DPYSL5: variants seen among roughly 807,000 people sequenced by gnomAD.
DPYSL5 encodes dihydropyrimidinase-related protein 5.
Under a neutral mutation model 58.4 loss-of-function variants are expected in DPYSL5, and 9 were observed. The observed-to-expected ratio is 0.15, with a 90% CI of 0.09 to 0.27. DPYSL5 has a LOEUF of 0.27. DPYSL5 is among the 10% of genes least tolerant of loss of function. The pLI is 1.00. For synonymous variants in DPYSL5, 293 were observed against 301.9 expected (o/e 0.97, Z 0.31); for missense variants, 499 against 770.6 (o/e 0.65, Z 4.17).
intron 1 of DPYSL5, among the ~76,000 whole-genome samples, chr2:26,889,988 G>A (rs543530896): frequency 1.3e-5 from 2 of 152,312 alleles, no homozygotes; most frequent in South Asian, 2.1e-4. Flanking sequence ...ACAGCGAGGC[G>A]GGATTGGACG....
Position 26,942,507 on chromosome 2 carries a change from T to G in DPYSL5, c.1233-36T>G. ...GGAGCTGTGACATTTTGACCTGTCC[T>G]CAGCGCTTTCTCTCCCGCCATTGCC... On this transcript the variant is annotated intron_variant, in intron 10 of 12. Coordinates refer to ENST00000288699, the MANE Select transcript of DPYSL5 (RefSeq NM_020134.4). The surrounding 1 kb of genome is among the most constrained non-coding windows in gnomAD (Gnocchi z 5.9). 3.8e-6 allele frequency: 6 copies of G among 1,595,572 alleles called. No homozygotes were observed. The highest frequency in any genetic ancestry group is 5.1e-6 in the Non-Finnish European group (6 of 1,170,448).
chr2:26,944,853 A>T lies in DPYSL5; in HGVS notation c.1609+29A>T, dbSNP rs376173692. On this transcript the variant is annotated intron_variant, in intron 12 of 12. Coordinates refer to ENST00000288699, the MANE Select transcript of DPYSL5 (RefSeq NM_020134.4). The surrounding 1 kb of genome is among the most constrained non-coding windows in gnomAD (Gnocchi z 4.4). ...AGAGTCAGGGGGCCACGGGAGGAGGATGGGGGTCTGGGAGAAGTGGCCCAC... is the reference window on the plus strand; with the variant it reads ...AGAGTCAGGGGGCCACGGGAGGAGGTTGGGGGTCTGGGAGAAGTGGCCCAC... 69 of 1,609,352 alleles carry T rather than the reference A, an allele frequency of 4.3e-5. No homozygotes were observed. The African/African-American group carries it at 8.8e-4, about 21-fold the overall frequency.
At chr2:26,873,614 G>GT (rs1232233696) in intron 1 of DPYSL5, among the ~76,000 whole-genome samples, 2 of 152,190 alleles carry the variant, frequency 1.3e-5, no homozygotes, top group African/African-American at 4.8e-5. Flanking sequence ...TACAGTTGGG[G>GT]TATGCAAATG....
chr2:26,941,282 A>G (rs1665316424), intron 9 of DPYSL5, among the ~76,000 whole-genome samples: 1 of 152,162 alleles, frequency 6.6e-6, no homozygotes, highest in Non-Finnish European at 1.5e-5. Context: ...GCATCCTAGA[A>G]GTGGATTTTT....
intron 1 of DPYSL5, among the ~76,000 whole-genome samples, chr2:26,852,480 A>G (rs1665779733): frequency 6.6e-6 from 1 of 152,208 alleles, no homozygotes; most frequent in South Asian, 2.1e-4. Context: ...GATTTGTTCT[A>G]CTTCAGTCTT....
intron 1 of DPYSL5, among the ~76,000 whole-genome samples, chr2:26,856,083 A>G (rs1341678632): frequency 2.0e-5 from 3 of 152,198 alleles, no homozygotes; most frequent in Non-Finnish European, 4.4e-5. Context: ...TGCATTTTAA[A>G]AAAAACTAGT....
At position 26,933,102 on chromosome 2, in the gene DPYSL5, C is replaced by T. The variant is rs1351537523; in HGVS notation, c.715-156C>T. On this transcript the variant is annotated intron_variant, in intron 6 of 12. Transcript: ENST00000288699. This position sits in a 1 kb window ranked among gnomAD's most constrained non-coding sequence, Gnocchi z 4.2. Reference sequence around the variant, plus strand: ...CCTGCAACCTTGCCCTGACTGCCAGCCCTGCATTCTCCGCTTAAGGACTGT... The same window carrying T: ...CCTGCAACCTTGCCCTGACTGCCAGTCCTGCATTCTCCGCTTAAGGACTGT... 6.6e-6 allele frequency among the ~76,000 whole-genome samples: 1 copy of T among 152,144 alleles called. No homozygotes were observed. Among genetic ancestry groups the T allele is most frequent in the Non-Finnish European group, 1.5e-5 (1 of 68,020 alleles).
chr2:26,926,772 C>T (rs992656163), intron 3 of DPYSL5, among the ~76,000 whole-genome samples: 3 of 152,156 alleles, frequency 2.0e-5, no homozygotes, highest in Non-Finnish European at 1.5e-5. Flanking sequence ...CATGTTTTTC[C>T]TAGTACAAAT....
chr2:26,891,680 C>CT (rs775000670), intron 1 of DPYSL5, among the ~76,000 whole-genome samples: 75 of 147,688 alleles, frequency 5.1e-4, no homozygotes, highest in African/African-American at 1.3e-3. Context: ...AAATAAATAA[C>CT]TTTTTTTTTT....
At chr2:26,937,093 T>C (rs1286263188) in intron 8 of DPYSL5, among the ~76,000 whole-genome samples, 1 of 152,084 alleles carries the variant, frequency 6.6e-6, no homozygotes, top group East Asian at 1.9e-4. Context: ...CCCTGCTTGC[T>C]ACAAGCAAAT....
intron 1 of DPYSL5, among the ~76,000 whole-genome samples, chr2:26,878,207 T>A (rs1022228707): frequency 1.3e-5 from 2 of 152,258 alleles, no homozygotes; most frequent in Non-Finnish European, 2.9e-5. Context: ...GTGAAAAATG[T>A]AATCTCATTG....
chr2:26,866,763 A>G (rs1375539891), intron 1 of DPYSL5, among the ~76,000 whole-genome samples: 6 of 143,588 alleles, frequency 4.2e-5, no homozygotes, highest in Non-Finnish European at 7.5e-5. Context: ...ACAGAGTCTC[A>G]CTCTGTTGCC....
At chr2:26,864,874 G>A (rs893060961) in intron 1 of DPYSL5, among the ~76,000 whole-genome samples, 4 of 152,102 alleles carry the variant, frequency 2.6e-5, no homozygotes, top group Admixed American at 1.3e-4. Context: ...CTGACTCTTC[G>A]CCTTTGGGGT....
At position 26,893,833 on chromosome 2, in the gene DPYSL5, A is replaced by G. The variant is rs144474600; in HGVS notation, c.-4-4663A>G. Reference sequence around the variant, plus strand: ...CAGAAGAGGGGACAATTGGGCCCTGAAGAACGAGAAATTTACTGCGTATAA... The same window carrying G: ...CAGAAGAGGGGACAATTGGGCCCTGGAGAACGAGAAATTTACTGCGTATAA... On this transcript the variant is annotated intron_variant, in intron 1 of 12. Coordinates refer to ENST00000288699, the MANE Select transcript of DPYSL5 (RefSeq NM_020134.4). 1.3e-4 allele frequency among the ~76,000 whole-genome samples: 20 copies of G among 152,288 alleles called. No homozygotes were observed. In the East Asian group the frequency reaches 3.5e-3, roughly 26 times the overall value.
intron 5 of DPYSL5, among the ~76,000 whole-genome samples, chr2:26,930,846 C>T (rs1346007740): frequency 6.6e-6 from 1 of 151,718 alleles, no homozygotes; most frequent in African/African-American, 2.4e-5. Context: ...TGGTGGTGGG[C>T]GCCTGTAGTC....
At position 26,898,614 on chromosome 2, in the gene DPYSL5, G is replaced by A. The variant is rs749113348; in HGVS notation, c.115G>A (p.Gly39Ser). The change falls in exon 2 of 13, where the codon GGC becomes AGC. Residue 39 changes from glycine (G) to serine (S), a missense_variant. Physicochemically the swap from Gly to Ser is moderately conservative, Grantham distance 56 (BLOSUM62 0). Coordinates refer to ENST00000288699, the MANE Select transcript of DPYSL5 (RefSeq NM_020134.4). This position sits in a 1 kb window ranked among gnomAD's most constrained non-coding sequence, Gnocchi z 6.1. The part of the protein sequence containing the change: ...YIENGIIQQV[G>S]RELMIPGGAK... ...CGAGAATGGCATCATCCAGCAGGTG[G>A]GCCGCGAGCTCATGATCCCTGGCGG... is the stretch of plus-strand genomic sequence containing the variant. 1.2e-6 allele frequency: 2 copies of A among 1,614,178 alleles called. No individual in the cohort carries two copies. Among genetic ancestry groups the A allele is most frequent in the Non-Finnish European group, 1.7e-6 (2 of 1,180,030 alleles).
At chr2:26,850,150 G>T (rs1196358765) in intron 1 of DPYSL5, among the ~76,000 whole-genome samples, 1 of 152,214 alleles carries the variant, frequency 6.6e-6, no homozygotes, top group Non-Finnish European at 1.5e-5. Context: ...AAATGATCCC[G>T]CAAGGGTGAG....
At position 26,933,423 on chromosome 2, in the gene DPYSL5, G is replaced by A. The variant is rs1665088710; in HGVS notation, c.790+90G>A. On this transcript the variant is annotated intron_variant, in intron 7 of 12. Transcript: ENST00000288699. This position sits in a 1 kb window ranked among gnomAD's most constrained non-coding sequence, Gnocchi z 4.2. ...ATTAGCCGTGCTCACTCCTGGCCCC[G>A]GCTCCTGAAACCAGGACCTGAGCCA... The A allele has an allele frequency of 1.0e-5, 13 of 1,280,254 alleles. No individual in the cohort carries two copies. The highest frequency in any genetic ancestry group is 5.4e-5 in the Admixed American group (3 of 55,910). 79.3% of individuals were successfully genotyped at this position (1,280,254 alleles called of 1,614,324 possible).
At position 26,925,157 on chromosome 2, in the gene DPYSL5, C is replaced by G; in HGVS notation, c.420+112C>G. ...GTGGGGCACCCCTCCCACTACCATC[C>G]TAGCTCCCCACAATGCCAAAAGAAA... On this transcript the variant is annotated intron_variant, in intron 3 of 12. Coordinates refer to ENST00000288699, the MANE Select transcript of DPYSL5 (RefSeq NM_020134.4). The surrounding 1 kb of genome is among the most constrained non-coding windows in gnomAD (Gnocchi z 4.5). The G allele has an allele frequency of 7.4e-7, 1 of 1,348,742 alleles. No homozygotes were observed. The highest frequency in any genetic ancestry group is 1.0e-6 in the Non-Finnish European group (1 of 993,286). 83.5% of individuals were successfully genotyped at this position (1,348,742 alleles called of 1,614,324 possible).
Sources: allele counts gnomAD v4.1 joint callset (sites outside exome capture counted in the v4.1 genomes callset), GRCh38; gene constraint gnomAD v4.1.1; non-coding constraint Gnocchi (gnomAD v3.1); transcripts MANE v1.5; gene names NCBI Gene and HGNC (gene_info 2026-07-23, HGNC 2026-07-21).